Variants in ACAD10 observed in about 807,000 individuals in gnomAD.
The protein encoded by ACAD10 is ACAD-10.
Under a neutral mutation model 116.8 loss-of-function variants are expected in ACAD10, and 112 were observed. That is an observed-to-expected ratio of 0.96 (90% confidence interval 0.82 to 1.12). The LOEUF (loss-of-function observed/expected upper bound fraction) is 1.12. Ranked by LOEUF, ACAD10 falls within the 50% of genes most tolerant of loss-of-function variation. The pLI is 0.00. For synonymous variants in ACAD10, 486 were observed against 510.6 expected (o/e 0.95, Z 0.65); for missense variants, 1,259 against 1,350.2 (o/e 0.93, Z 1.06).
intron 2 of ACAD10, among the ~76,000 whole-genome samples, chr12:111,699,399 G>C (rs779146754): frequency 6.6e-6 from 1 of 151,966 alleles, no homozygotes; most frequent in Non-Finnish European, 1.5e-5. Context: ...CCCTTTCCCA[G>C]TTGGTTCCAG....
intron 2 of ACAD10, among the ~76,000 whole-genome samples, chr12:111,697,826 C>T (rs965271435): frequency 2.4e-4 from 36 of 151,820 alleles, no homozygotes; most frequent in Non-Finnish European, 3.7e-4. Flanking sequence ...TCTGGTGGTC[C>T]GCCCGCCTTG....
chr12:111,746,041 G>T, intron 13 of ACAD10, 103 bp from the exon 14 acceptor site: 1 of 1,464,910 alleles, frequency 6.8e-7, no homozygotes, highest in East Asian at 2.3e-5. Flanking sequence ...GTGCATGTTT[G>T]GTTGTCTGCC....
At position 111,736,864 on chromosome 12, in the gene ACAD10, T is replaced by A; in HGVS notation, c.1574T>A (p.Ile525Asn). Residue 525 changes from isoleucine (I) to asparagine (N), a missense_variant, in exon 12 of 21, where the codon ATC becomes AAC. Transcript: ENST00000313698. Reference protein sequence around the residue: ...INDCDLTQLGIPAAEEYFRMY... With the variant: ...INDCDLTQLGNPAAEEYFRMY... The stretch of plus-strand genomic sequence containing the variant: ...GACTGTGACTTGACACAGCTGGGAA[T>A]CCCTGCTGCAGAGGAGTATTTCAGG... The A allele has an allele frequency of 6.2e-7, 1 of 1,614,046 alleles. No individual in the cohort carries two copies. Among genetic ancestry groups the A allele is most frequent in the African/African-American group, 1.3e-5 (1 of 75,054 alleles).
intron 7 of ACAD10, among the ~76,000 whole-genome samples, chr12:111,718,073 G>A (rs1163830020): frequency 1.7e-5 from 1 of 59,646 alleles, no homozygotes; most frequent in Admixed American, 2.3e-4. Flanking sequence ...TTTTTGAAAT[G>A]GAGTCTTGCT....
At chr12:111,701,363 A>G (rs920195310) in intron 2 of ACAD10, among the ~76,000 whole-genome samples, 2 of 152,038 alleles carry the variant, frequency 1.3e-5, no homozygotes, top group Non-Finnish European at 2.9e-5. Flanking sequence ...GTGGACAGAA[A>G]TTTCCTTCTT....
chr12:111,744,177 G>A (rs1478776608), intron 12 of ACAD10, among the ~76,000 whole-genome samples: 8 of 152,190 alleles, frequency 5.3e-5, no homozygotes, highest in Non-Finnish European at 1.2e-4. Context: ...TCCCTCCAGA[G>A]ACAGTGGTGT....
At chr12:111,688,785 G>C (rs1312426699) in intron 1 of ACAD10, among the ~76,000 whole-genome samples, 2 of 151,448 alleles carry the variant, frequency 1.3e-5, no homozygotes, top group Non-Finnish European at 2.9e-5. Context: ...CTGGGCGACA[G>C]AGCAAGACTC....
At chr12:111,746,964 T>C in intron 14 of ACAD10, 85 bp from the exon 15 acceptor site, 4 of 1,498,024 alleles carry the variant, frequency 2.7e-6, no homozygotes, top group Non-Finnish European at 3.6e-6. Flanking sequence ...CGTGCCACGA[T>C]ACTCCAGCCT....
intron 13 of ACAD10, among the ~76,000 whole-genome samples, chr12:111,745,833 CTCTTT>C: frequency 7.0e-6 from 1 of 142,832 alleles, no homozygotes; most frequent in Non-Finnish European, 1.5e-5. Flanking sequence ...CACCATCTCT[CTCTTT>C]TTTTTTTTTT....
Position 111,712,633 on chromosome 12 carries a change from G to A in ACAD10, c.826G>A (p.Asp276Asn). The A allele has an allele frequency of 6.2e-7, 1 of 1,614,134 alleles. No homozygotes were observed. The highest frequency in any genetic ancestry group is 8.5e-7 in the Non-Finnish European group (1 of 1,180,016). ...AGATTCCTTGCAGAAGTACCTCAAA[G>A]ACTTACTGGGTATCCAGACCACAGG... ...PKDSLQKYLK[D>N]LLGIQTTGPL... is the part of the protein sequence containing the mutation. Residue 276 changes from aspartate (D) to asparagine (N), a missense_variant, in exon 6 of 21, where the codon GAC becomes AAC. Coordinates refer to ENST00000313698, the MANE Select transcript of ACAD10 (RefSeq NM_025247.6).
chr12:111,737,654 A>T (rs1035207886), intron 12 of ACAD10, among the ~76,000 whole-genome samples: 2 of 152,138 alleles, frequency 1.3e-5, no homozygotes, highest in African/African-American at 4.8e-5. Context: ...TACTGTTAAG[A>T]GTTTCCTGGG....
chr12:111,726,895 C>T (rs1257127063), intron 8 of ACAD10, among the ~76,000 whole-genome samples: 1 of 151,200 alleles, frequency 6.6e-6, no homozygotes, highest in Non-Finnish European at 1.5e-5. Context: ...ATAAGTCTCT[C>T]AGGGTCACTC....
Position 111,712,617 on chromosome 12 carries a change from G to A in ACAD10, c.810G>A (p.Leu270=), listed in dbSNP as rs756421779. 1 of 1,614,154 alleles carries A rather than the reference G, an allele frequency of 6.2e-7. No homozygotes were observed. The highest frequency in any genetic ancestry group is 2.2e-5 in the East Asian group (1 of 44,884). Residue 270 remains leucine (L), a synonymous_variant, in exon 6 of 21, where the codon TTG becomes TTA. Transcript: ENST00000313698. ...CGATGGAAATTCCGAAAGATTCCTT[G>A]CAGAAGTACCTCAAAGACTTACTGG... ...KKTMEIPKDS[L]QKYLKDLLGI...
intron 7 of ACAD10, among the ~76,000 whole-genome samples, chr12:111,718,709 C>A (rs918904907): frequency 6.6e-6 from 1 of 151,348 alleles, no homozygotes; most frequent in Non-Finnish European, 1.5e-5. Flanking sequence ...GAACTCTTGA[C>A]CTCGGGTGAT....
At chr12:111,686,271 A>C (rs1887845643) in intron 1 of ACAD10, 32 bp downstream of exon 1, 1 of 152,646 alleles carries the variant, frequency 6.6e-6, no homozygotes, top group South Asian at 2.0e-4. Context: ...TCTGCTATGC[A>C]GAACTTTGCC....
intron 12 of ACAD10, among the ~76,000 whole-genome samples, chr12:111,738,714 A>G (rs1327998494): frequency 1.3e-5 from 2 of 151,792 alleles, no homozygotes; most frequent in Non-Finnish European, 2.9e-5. Context: ...TAAAAATACA[A>G]AAATTAGCCA....
intron 5 of ACAD10, among the ~76,000 whole-genome samples, chr12:111,711,108 GTTC>G (rs1888664872): frequency 6.6e-6 from 1 of 152,178 alleles, no homozygotes; most frequent in Non-Finnish European, 1.5e-5. Flanking sequence ...TAAAGTAGAG[GTTC>G]TTCTTTAAAG....
At chr12:111,733,833 G>C (rs1400917232) in intron 10 of ACAD10, 90 bp from the exon 11 acceptor site, 1 of 1,545,866 alleles carries the variant, frequency 6.5e-7, no homozygotes, top group East Asian at 2.3e-5. Context: ...AGGGTGGGGA[G>C]CCAAGCCTAA....
rs142933086 is a variant in ACAD10, at chr12:111,729,901, C to T, written c.1339C>T (p.Leu447=). 7.3e-5 allele frequency: 118 copies of T among 1,614,184 alleles called. No individual in the cohort carries two copies. Among genetic ancestry groups the T allele is most frequent in the Admixed American group, 2.0e-4 (12 of 60,022 alleles). The change falls in exon 10 of 21, where the codon CTG becomes TTG. Residue 447 remains leucine, a synonymous_variant. Coordinates refer to ENST00000313698, the MANE Select transcript of ACAD10 (RefSeq NM_025247.6). Reference sequence around the variant, plus strand: ...AGCCATGGAGAGGCTGATCGAATGGCTGCCCCTCCATCTTCCCCGTCAGCA... The same window carrying T: ...AGCCATGGAGAGGCTGATCGAATGGTTGCCCCTCCATCTTCCCCGTCAGCA... ...IPAMERLIEW[L]PLHLPRQQRT... is the part of the protein sequence containing the mutation.
Sources: allele counts gnomAD v4.1 joint callset (sites outside exome capture counted in the v4.1 genomes callset), GRCh38; gene constraint gnomAD v4.1.1; transcripts MANE v1.5; gene names NCBI Gene and HGNC (gene_info 2026-07-23, HGNC 2026-07-21).